Variants in EYS observed in about 807,000 individuals in gnomAD.
EYS encodes protein eyes shut homolog.
In EYS, 250 loss-of-function variants were observed where a neutral mutation model predicts 282.1. The observed-to-expected ratio is 0.89, with a 90% CI of 0.80 to 0.98. The LOEUF (loss-of-function observed/expected upper bound fraction) is 0.98, where lower values mean the gene tolerates loss of function less well. EYS is among the 50% of genes least tolerant of loss of function. The pLI is 0.00. For synonymous variants in EYS, 1,355 were observed against 1,282.9 expected (o/e 1.06, Z -1.20); for missense variants, 4,016 against 3,709.0 (o/e 1.08, Z -2.15).
chr6:64,162,602 A>G (rs530284440), intron 31 of EYS, among the ~76,000 whole-genome samples: 28 of 152,274 alleles, frequency 1.8e-4, no homozygotes, highest in Admixed American at 3.9e-4. Flanking sequence ...ATTAGGAATT[A>G]GAACCCAAAT....
intron 42 of EYS, 140 bp downstream of exon 42, chr6:63,726,379 G>C (rs553075606): frequency 7.1e-6 from 5 of 706,172 alleles, no homozygotes; most frequent in African/African-American, 3.7e-5. Context: ...AAATTCATAC[G>C]CATACACTTG....
intron 31 of EYS, among the ~76,000 whole-genome samples, chr6:64,228,634 A>G (rs1009767101): frequency 6.6e-6 from 1 of 152,162 alleles, no homozygotes; most frequent in Non-Finnish European, 1.5e-5. Flanking sequence ...AGCAAGAAAA[A>G]TAGTTAAAAA....
intron 5 of EYS, among the ~76,000 whole-genome samples, chr6:65,431,151 T>C (rs1320682469): frequency 2.0e-5 from 3 of 152,216 alleles, no homozygotes; most frequent in Admixed American, 6.5e-5. Flanking sequence ...ACAAGATCAC[T>C]AACAACCATC....
chr6:64,553,682 T>A (rs1765160000), intron 26 of EYS, among the ~76,000 whole-genome samples: 1 of 151,960 alleles, frequency 6.6e-6, no homozygotes. Context: ...GAGTTAACTC[T>A]GTGTCAACAA....
intron 12 of EYS, among the ~76,000 whole-genome samples, chr6:65,180,512 C>T (rs1304216653): frequency 5.9e-5 from 9 of 151,972 alleles, no homozygotes; most frequent in Admixed American, 5.2e-4. Flanking sequence ...ACGTGAAGGA[C>T]CTCTTCAAGG....
chr6:64,097,682 C>T (rs113657801), intron 31 of EYS, among the ~76,000 whole-genome samples: 6,384 of 152,178 alleles, frequency 0.042, 395 homozygotes, highest in African/African-American at 0.14. Context: ...AAGGGAATTC[C>T]CTGACCCCTT....
intron 40 of EYS, 154 bp downstream of exon 40, chr6:63,777,852 C>T (rs1770102879): frequency 1.1e-5 from 8 of 713,374 alleles, no homozygotes; most frequent in Non-Finnish European, 1.9e-5. Context: ...GTTGCCTTCA[C>T]CTGTCCTCCC....
intron 31 of EYS, among the ~76,000 whole-genome samples, chr6:64,176,484 T>A (rs1389202594): frequency 6.6e-6 from 1 of 151,602 alleles, no homozygotes; most frequent in Non-Finnish European, 1.5e-5. Context: ...CAGAATAAAT[T>A]TTAACATATC....
chr6:64,993,198 A>G (rs28583858), intron 14 of EYS, among the ~76,000 whole-genome samples: 10,294 of 152,010 alleles, frequency 0.068, 442 homozygotes, highest in East Asian at 0.13. Flanking sequence ...ATTGACATGT[A>G]CCACATTTTC....
At chr6:65,683,865 T>A (rs1768915651) in intron 1 of EYS, among the ~76,000 whole-genome samples, 1 of 152,044 alleles carries the variant, frequency 6.6e-6, no homozygotes, top group Non-Finnish European at 1.5e-5. Context: ...CAACCATGTA[T>A]AATTAAAGCC....
chr6:64,706,019 A>C (rs1770999805), intron 22 of EYS, among the ~76,000 whole-genome samples: 1 of 13,378 alleles, frequency 7.5e-5, no homozygotes. Flanking sequence ...AAAATTATTC[A>C]AAAAAAAAAA....
At chr6:64,113,649 T>C (rs1582287289) in intron 31 of EYS, among the ~76,000 whole-genome samples, 1 of 152,174 alleles carries the variant, frequency 6.6e-6, no homozygotes, top group South Asian at 2.1e-4. Flanking sequence ...GGGTAAGGAA[T>C]TGGCAGTTCT....
At chr6:64,987,738 T>G (rs1770909541) in intron 14 of EYS, among the ~76,000 whole-genome samples, 1 of 151,490 alleles carries the variant, frequency 6.6e-6, no homozygotes, top group South Asian at 2.1e-4. Flanking sequence ...ACCAGTGAAC[T>G]ATAAAAGACA....
At chr6:64,542,911 T>C (rs1298104700) in intron 26 of EYS, among the ~76,000 whole-genome samples, 1 of 152,126 alleles carries the variant, frequency 6.6e-6, no homozygotes, top group Non-Finnish European at 1.5e-5. Flanking sequence ...TTTTTAATTT[T>C]ACCAAGAAAC....
At chr6:65,060,726 A>T (rs756469982) in intron 12 of EYS, among the ~76,000 whole-genome samples, 2 of 150,760 alleles carry the variant, frequency 1.3e-5, no homozygotes, top group Non-Finnish European at 3.0e-5. Flanking sequence ...TTCTGCAGTC[A>T]GTTGCATATA....
chr6:64,140,665 C>T (rs1451155951), intron 31 of EYS, among the ~76,000 whole-genome samples: 2 of 152,110 alleles, frequency 1.3e-5, no homozygotes, highest in Non-Finnish European at 2.9e-5. Flanking sequence ...TATGGAAGGT[C>T]GCGGGTCCTC....
rs147261429 is a variant in EYS, at chr6:65,360,997, A to G, written c.1300-7380T>C. On this transcript the variant is annotated intron_variant, in intron 8 of 42. Transcript: ENST00000503581. Reference sequence around the variant, plus strand: ...CATATAAAATTGTGACTGGAGTTCAAGGAATGGTAGGTGACCATAAATTAT... The same window carrying G: ...CATATAAAATTGTGACTGGAGTTCAGGGAATGGTAGGTGACCATAAATTAT... 3.3e-3 allele frequency among the ~76,000 whole-genome samples: 509 copies of G among 152,192 alleles called. 4 individuals are homozygous for G. Among genetic ancestry groups the G allele is most frequent in the African/African-American group, 0.011 (462 of 41,556 alleles).
intron 2 of EYS, among the ~76,000 whole-genome samples, chr6:65,594,336 T>C (rs1765332659): frequency 6.6e-6 from 1 of 152,050 alleles, no homozygotes; most frequent in Non-Finnish European, 1.5e-5. Context: ...AAACCCATAG[T>C]TAAAACCATG....
At chr6:63,921,801 G>A (rs1764580535) in intron 35 of EYS, among the ~76,000 whole-genome samples, 1 of 152,230 alleles carries the variant, frequency 6.6e-6, no homozygotes, top group African/African-American at 2.4e-5. Flanking sequence ...AGAATGGAAA[G>A]TGTTGAGAGG....
Sources: allele counts gnomAD v4.1 joint callset (sites outside exome capture counted in the v4.1 genomes callset), GRCh38; gene constraint gnomAD v4.1.1; transcripts MANE v1.5; gene names NCBI Gene and HGNC (gene_info 2026-07-23, HGNC 2026-07-21).